The following KCNQ1 variants were observed in gnomAD, a reference collection of about 807,000 sequenced individuals.
The protein encoded by KCNQ1 is potassium voltage-gated channel subfamily KQT member 1.
A neutral mutation model predicts 72.4 loss-of-function variants in KCNQ1; 49 were observed. That is an observed-to-expected ratio of 0.68 (90% CI 0.54 to 0.86). The LOEUF (loss-of-function observed/expected upper bound fraction) is 0.86. Among genes scored for constraint, KCNQ1 ranks in the 40% least tolerant of loss-of-function variants. The probability of loss-of-function intolerance (pLI) is 0.00; values close to 1 mark genes in which losing one functional copy is unlikely to be tolerated. For synonymous variants in KCNQ1, 450 were observed against 412.6 expected (o/e 1.09, Z -1.10); for missense variants, 790 against 945.1 (o/e 0.84, Z 2.15).
chr11:2,726,498 A>G (rs980040747), intron 11 of KCNQ1, among the ~76,000 whole-genome samples: 2 of 152,074 alleles, frequency 1.3e-5, no homozygotes, highest in African/African-American at 4.8e-5. Context: ...GACACCACCC[A>G]CTGCAGGTTC....
chr11:2,735,082 G>A lies in KCNQ1; in HGVS notation c.1515-33762G>A, dbSNP rs1037596465. Among the ~76,000 whole-genome samples, 2 of 152,158 alleles carry A rather than the reference G, an allele frequency of 1.3e-5. No homozygotes were observed. The highest frequency in any genetic ancestry group is 2.4e-5 in the African/African-American group (1 of 41,444). The stretch of plus-strand genomic sequence containing the variant: ...GCCCTGCCTTGTCATCACCTGTGCC[G>A]TGGCTGTCAGCGCGCATCTGGCTTA... On this transcript the variant is annotated intron_variant, in intron 11 of 15. Transcript: ENST00000155840. This position sits in a 1 kb window ranked among gnomAD's most constrained non-coding sequence, Gnocchi z 7.7.
rs1161987233 is a variant in KCNQ1, at chr11:2,647,237, A to AT, written c.1394-14717dup. 6 of 397,846 alleles carry AT rather than the reference A, an allele frequency of 1.5e-5. No individual in the cohort carries two copies. The highest frequency in any genetic ancestry group is 2.2e-5 in the Non-Finnish European group (5 of 225,912). The allele number at this position is 397,846 out of a possible 1,614,324, so 24.6% of individuals were successfully genotyped here. On this transcript the variant is annotated intron_variant, in intron 10 of 15. Coordinates refer to ENST00000155840, the MANE Select transcript of KCNQ1 (RefSeq NM_000218.3). This position sits in a 1 kb window ranked among gnomAD's most constrained non-coding sequence, Gnocchi z 4.0. The stretch of plus-strand genomic sequence containing the variant: ...TCTGCATCTATTGAGATGATCATGT[A>AT]TTTTTTTGTCCTTCCTTCTGTTAAT...
rs1168056804 is a variant in KCNQ1 at position 2,538,309 on chromosome 11, G to A, written c.477+10291G>A. 6.6e-6 allele frequency among the ~76,000 whole-genome samples: 1 copy of A among 152,124 alleles called. No homozygotes were observed. Among genetic ancestry groups the A allele is most frequent in the Admixed American group, 6.5e-5 (1 of 15,272 alleles). On this transcript the variant is annotated intron_variant, in intron 2 of 15. Coordinates refer to ENST00000155840, the MANE Select transcript of KCNQ1 (RefSeq NM_000218.3). The surrounding 1 kb of genome is among the most constrained non-coding windows in gnomAD (Gnocchi z 6.7). ...TTGGTCTCTCTCTTGGGCAGGGAAG[G>A]GCGGTGGACATGGAGGCTTGGGGAC...
rs1412288946 is a variant in KCNQ1 at position 2,541,183 on chromosome 11, C to T, written c.477+13165C>T. Reference sequence around the variant, plus strand: ...CCGCGTTCCATTTGCACATTTAATCCAGAAACTGTCAGCATGGGAAGCCTG... The same window carrying T: ...CCGCGTTCCATTTGCACATTTAATCTAGAAACTGTCAGCATGGGAAGCCTG... On this transcript the variant is annotated intron_variant, in intron 2 of 15. Transcript: ENST00000155840. The surrounding 1 kb of genome is among the most constrained non-coding windows in gnomAD (Gnocchi z 4.8). Among the ~76,000 whole-genome samples the T allele has an allele frequency of 6.6e-6, 1 of 152,242 alleles. No homozygotes were observed. The highest frequency in any genetic ancestry group is 1.5e-5 in the Non-Finnish European group (1 of 68,044).
chr11:2,729,136 G>A (rs758499843), intron 11 of KCNQ1, among the ~76,000 whole-genome samples: 4 of 152,216 alleles, frequency 2.6e-5, no homozygotes, highest in Non-Finnish European at 5.9e-5. Context: ...GGGCTCTCCC[G>A]GGGCCGAGGG....
At chr11:2,466,301 G>T (rs1036382323) in intron 1 of KCNQ1, among the ~76,000 whole-genome samples, 1 of 152,146 alleles carries the variant, frequency 6.6e-6, no homozygotes, top group Non-Finnish European at 1.5e-5. Context: ...CCGCCTGATG[G>T]GTGCTTGCTG....
Position 2,749,666 on chromosome 11 carries a change from G to A in KCNQ1, c.1515-19178G>A, listed in dbSNP as rs1846194975. 2.5e-5 allele frequency among the ~76,000 whole-genome samples: 3 copies of A among 120,014 alleles called. No homozygotes were observed. The South Asian group carries it at 8.2e-4, about 33-fold the overall frequency. 78.7% of individuals were successfully genotyped at this position (120,014 alleles called of 152,430 possible). On this transcript the variant is annotated intron_variant, in intron 11 of 15. Coordinates refer to ENST00000155840, the MANE Select transcript of KCNQ1 (RefSeq NM_000218.3). ...CAAAAAAAAAAAAAAAAAAAAAATTGTCCGGGCGCGGTGGCGGGCGCCTGT... is the reference window on the plus strand; with the variant it reads ...CAAAAAAAAAAAAAAAAAAAAAATTATCCGGGCGCGGTGGCGGGCGCCTGT...
Position 2,769,009 on chromosome 11 carries a change from A to G in KCNQ1, c.1590+90A>G, listed in dbSNP as rs1564886498. On this transcript the variant is annotated intron_variant, in intron 12 of 15. Transcript: ENST00000155840. The surrounding 1 kb of genome is among the most constrained non-coding windows in gnomAD (Gnocchi z 4.6). ...ACCTCTCCTGGGTTCTCTCCTGCCCATAGTGGAGGGTGTCAAGGCCTCCGC... is the reference window on the plus strand; with the variant it reads ...ACCTCTCCTGGGTTCTCTCCTGCCCGTAGTGGAGGGTGTCAAGGCCTCCGC... 2 of 1,124,344 alleles carry G rather than the reference A, an allele frequency of 1.8e-6. No individual in the cohort carries two copies. The highest frequency in any genetic ancestry group is 3.6e-5 in the Admixed American group (2 of 55,982). The allele number at this position is 1,124,344 out of a possible 1,614,324, so 69.6% of individuals were successfully genotyped here.
intron 11 of KCNQ1, among the ~76,000 whole-genome samples, chr11:2,733,814 A>ACACACACACACACACACG: frequency 1.2e-5 from 1 of 86,614 alleles, no homozygotes; most frequent in African/African-American, 4.2e-5. Flanking sequence ...ACACACACAC[A>ACACACACACACACACACG]CTCTCTCACT....
chr11:2,524,482 G>T (rs1847459951), intron 1 of KCNQ1, among the ~76,000 whole-genome samples: 1 of 152,218 alleles, frequency 6.6e-6, no homozygotes, highest in African/African-American at 2.4e-5. Context: ...TCTCGTGGGG[G>T]TCTGTGTTAC....
At chr11:2,456,956 A>T (rs56120872) in intron 1 of KCNQ1, among the ~76,000 whole-genome samples, 1 of 106,280 alleles carries the variant, frequency 9.4e-6, no homozygotes, top group Non-Finnish European at 1.7e-5. Flanking sequence ...AAAAAAAAAA[A>T]AAAAAAAAAC....
chr11:2,749,271 G>A (rs1242655021), intron 11 of KCNQ1, among the ~76,000 whole-genome samples: 4 of 152,102 alleles, frequency 2.6e-5, no homozygotes, highest in African/African-American at 9.7e-5. Flanking sequence ...GCAGGGAGGG[G>A]TTTGGGGTTG....
At chr11:2,753,267 G>A (rs1209730329) in intron 11 of KCNQ1, among the ~76,000 whole-genome samples, 3 of 152,132 alleles carry the variant, frequency 2.0e-5, no homozygotes, top group African/African-American at 4.8e-5. Flanking sequence ...CCCTCCTGCC[G>A]CCACTCAGGG....
chr11:2,835,582 C>A (rs1332942483), intron 15 of KCNQ1, among the ~76,000 whole-genome samples: 1 of 152,198 alleles, frequency 6.6e-6, no homozygotes, highest in Non-Finnish European at 1.5e-5. Flanking sequence ...AGGGCAGAAG[C>A]CCCACCTCCA....
rs568516300 is a variant in KCNQ1 at position 2,601,071 on chromosome 11, A to C, written c.1393+12217A>C. On this transcript the variant is annotated intron_variant, in intron 10 of 15. Transcript: ENST00000155840. The surrounding 1 kb of genome is among the most constrained non-coding windows in gnomAD (Gnocchi z 5.2). The stretch of plus-strand genomic sequence containing the variant: ...GGAGATTCTTTAAGGCCATGCATAT[A>C]CCCTGCTACTTGTTAAAAAAAAAAA... Among the ~76,000 whole-genome samples the C allele has an allele frequency of 6.7e-6, 1 of 148,936 alleles. No homozygotes were observed. The highest frequency in any genetic ancestry group is 2.1e-4 in the South Asian group (1 of 4,654).
At chr11:2,632,528 A>G (rs1849377777) in intron 10 of KCNQ1, 1 of 398,204 alleles carries the variant, frequency 2.5e-6, no homozygotes, top group Non-Finnish European at 4.4e-6. Flanking sequence ...TTGTCCTTTT[A>G]TTTTTAGTCA....
At chr11:2,514,861 TC>T (rs1847263758) in intron 1 of KCNQ1, among the ~76,000 whole-genome samples, 1 of 152,108 alleles carries the variant, frequency 6.6e-6, no homozygotes, top group Non-Finnish European at 1.5e-5. Context: ...GGAGGGACTT[TC>T]CCAAGTAGGG....
At chr11:2,788,287 T>C (rs1169348025) in intron 15 of KCNQ1, among the ~76,000 whole-genome samples, 1 of 152,160 alleles carries the variant, frequency 6.6e-6, no homozygotes, top group Non-Finnish European at 1.5e-5. Flanking sequence ...CCCTAAGGAA[T>C]GTCCGCTTGG....
chr11:2,736,623 C>G (rs1005188546), intron 11 of KCNQ1, among the ~76,000 whole-genome samples: 1 of 152,178 alleles, frequency 6.6e-6, no homozygotes, highest in African/African-American at 2.4e-5. Context: ...CCTCCCACCC[C>G]CCAGTTACAC....
Sources: allele counts gnomAD v4.1 joint callset (sites outside exome capture counted in the v4.1 genomes callset), GRCh38; gene constraint gnomAD v4.1.1; non-coding constraint Gnocchi (gnomAD v3.1); transcripts MANE v1.5; gene names NCBI Gene and HGNC (gene_info 2026-07-23, HGNC 2026-07-21).